Variants in INPP4B observed in about 807,000 individuals in gnomAD.
INPP4B encodes the protein inositol polyphosphate 4-phosphatase type II.
Under a neutral mutation model 122.5 loss-of-function variants are expected in INPP4B, and 55 were observed. The ratio of observed to expected loss-of-function variants is 0.45; its 90% CI spans 0.36 to 0.56. The LOEUF is 0.56. INPP4B is among the 20% of genes least tolerant of loss of function. INPP4B has a pLI of 0.00. For synonymous variants in INPP4B, 403 were observed against 388.7 expected (o/e 1.04, Z -0.43); for missense variants, 1,000 against 1,097.7 (o/e 0.91, Z 1.26).
intron 25 of INPP4B, among the ~76,000 whole-genome samples, chr4:142,075,795 C>T (rs544834077): frequency 6.6e-6 from 1 of 152,030 alleles, no homozygotes; most frequent in African/African-American, 2.4e-5. Context: ...CGCCTTCACA[C>T]GTTAGGAAAC....
intron 12 of INPP4B, among the ~76,000 whole-genome samples, chr4:142,221,909 A>G (rs999837070): frequency 6.6e-6 from 1 of 152,176 alleles, no homozygotes; most frequent in Admixed American, 6.5e-5. Context: ...AACTAAGTCA[A>G]TGAGGTCCTT....
chr4:142,069,064 T>C (rs962073955), intron 25 of INPP4B, among the ~76,000 whole-genome samples: 6 of 152,130 alleles, frequency 3.9e-5, no homozygotes, highest in East Asian at 1.9e-4. Context: ...TATTCCAAAA[T>C]TGACCACAGA....
intron 12 of INPP4B, among the ~76,000 whole-genome samples, chr4:142,214,016 T>A (rs1303607707): frequency 6.6e-6 from 1 of 152,304 alleles, no homozygotes; most frequent in African/African-American, 2.4e-5. Flanking sequence ...TGAGCCCAAA[T>A]GTATGGAGCC....
intron 7 of INPP4B, among the ~76,000 whole-genome samples, chr4:142,359,835 T>C (rs1158654311): frequency 1.3e-5 from 2 of 151,968 alleles, no homozygotes; most frequent in Non-Finnish European, 2.9e-5. Context: ...AAATAACCTT[T>C]TTGGGCAGGA....
intron 2 of INPP4B, among the ~76,000 whole-genome samples, chr4:142,679,121 T>G (rs2150673303): frequency 1.3e-5 from 2 of 152,016 alleles, no homozygotes; most frequent in South Asian, 4.1e-4. Flanking sequence ...GGACCAGAGA[T>G]TTCTCAGAAA....
At chr4:142,152,469 A>G (rs1461932188) in intron 17 of INPP4B, among the ~76,000 whole-genome samples, 1 of 152,164 alleles carries the variant, frequency 6.6e-6, no homozygotes, top group African/African-American at 2.4e-5. Flanking sequence ...TAGAGAGGAA[A>G]TAGATGCATA....
chr4:142,039,063 T>G (rs998482110), intron 25 of INPP4B, among the ~76,000 whole-genome samples: 3 of 152,172 alleles, frequency 2.0e-5, no homozygotes, highest in African/African-American at 7.2e-5. Context: ...AGATGTGGTT[T>G]CCTGCCAGTT....
At chr4:142,261,278 T>C (rs1739857165) in intron 10 of INPP4B, among the ~76,000 whole-genome samples, 1 of 152,078 alleles carries the variant, frequency 6.6e-6, no homozygotes, top group Admixed American at 6.5e-5. Context: ...GAAACTGTAA[T>C]GGAAAGAGGA....
chr4:142,121,828 T>A (rs1796664611), intron 21 of INPP4B, among the ~76,000 whole-genome samples: 1 of 151,934 alleles, frequency 6.6e-6, no homozygotes, highest in Non-Finnish European at 1.5e-5. Flanking sequence ...GAGCTTTGGA[T>A]GAGATAGTAA....
chr4:142,628,453 CT>C (rs1560888286), intron 2 of INPP4B, among the ~76,000 whole-genome samples: 2 of 53,006 alleles, frequency 3.8e-5, no homozygotes, highest in African/African-American at 8.9e-5. Flanking sequence ...GGAGATATAC[CT>C]AAATGCTAGA....
At chr4:142,219,050 A>C (rs1391501822) in intron 12 of INPP4B, among the ~76,000 whole-genome samples, 1 of 152,192 alleles carries the variant, frequency 6.6e-6, no homozygotes, top group Non-Finnish European at 1.5e-5. Flanking sequence ...ATTTTTTAAA[A>C]TACATTCTTA....
At chr4:142,405,108 G>A in intron 6 of INPP4B, 98 bp downstream of exon 6, 1 of 678,880 alleles carries the variant, frequency 1.5e-6, no homozygotes, top group Non-Finnish European at 2.6e-6. Context: ...ATCCAGAGAT[G>A]GGGCGGGGGT....
chr4:142,085,626 A>G (rs2152543098), intron 24 of INPP4B, among the ~76,000 whole-genome samples: 1 of 152,322 alleles, frequency 6.6e-6, no homozygotes, highest in South Asian at 2.1e-4. Flanking sequence ...TAAATGAGAA[A>G]GAGCTATACA....
At chr4:142,749,284 C>CAT (rs921486851) in intron 1 of INPP4B, among the ~76,000 whole-genome samples, 9 of 143,662 alleles carry the variant, frequency 6.3e-5, no homozygotes, top group African/African-American at 2.3e-4. Flanking sequence ...AATGTCTTAC[C>CAT]ATATATATAT....
intron 11 of INPP4B, among the ~76,000 whole-genome samples, chr4:142,247,731 C>CA (rs1561608577): frequency 6.6e-6 from 1 of 151,970 alleles, no homozygotes; most frequent in Non-Finnish European, 1.5e-5. Flanking sequence ...TTAATCTTTT[C>CA]AAAAAACCAG....
At chr4:142,399,190 T>A (rs1229538250) in intron 7 of INPP4B, among the ~76,000 whole-genome samples, 1 of 4,364 alleles carries the variant, frequency 2.3e-4, no homozygotes, top group Non-Finnish European at 5.9e-4. Context: ...TTCCTTTTGC[T>A]TTTTTTTTTT....
chr4:142,228,215 A>G (rs1228642448), intron 12 of INPP4B, among the ~76,000 whole-genome samples: 1 of 152,094 alleles, frequency 6.6e-6, no homozygotes, highest in Non-Finnish European at 1.5e-5. Flanking sequence ...TGTATTTTAA[A>G]AAAGATTAAA....
chr4:142,638,159 T>G (rs1047247556), intron 2 of INPP4B, among the ~76,000 whole-genome samples: 1 of 152,220 alleles, frequency 6.6e-6, no homozygotes, highest in Non-Finnish European at 1.5e-5. Context: ...GTCTTCTCAT[T>G]CTCTTGACAT....
intron 4 of INPP4B, 91 bp from the exon 5 acceptor site, chr4:142,429,308 A>G: frequency 1.5e-6 from 1 of 687,510 alleles, no homozygotes; most frequent in Non-Finnish European, 2.5e-6. Context: ...TGTGACCAGA[A>G]TGAATAAAGA....
Sources: gnomAD v4.1 joint callset for allele counts (sites outside exome capture counted in the v4.1 genomes callset) on GRCh38, gnomAD v4.1.1 for gene constraint, MANE v1.5 for transcripts, NCBI Gene and HGNC (gene_info 2026-07-23, HGNC 2026-07-21) for gene names.